Variants in ARHGEF10L observed in about 807,000 individuals in gnomAD.
ARHGEF10L encodes the protein rho guanine nucleotide exchange factor 10-like protein.
A neutral mutation model predicts 141.2 loss-of-function variants in ARHGEF10L; 69 were observed. The ratio of observed to expected loss-of-function variants is 0.49; its 90% CI spans 0.40 to 0.60. ARHGEF10L has a LOEUF of 0.60. ARHGEF10L is among the 20% of genes least tolerant of loss of function. The pLI is 0.00. For missense variants in ARHGEF10L, 1,482 were observed against 1,734.3 expected, an observed-to-expected ratio of 0.85 and a Z score of 2.58; for synonymous variants, 711 against 718.5, an observed-to-expected ratio of 0.99 and a Z score of 0.17.
intron 1 of ARHGEF10L, among the ~76,000 whole-genome samples, chr1:17,546,216 G>A (rs2100661053): frequency 6.6e-6 from 1 of 152,246 alleles, no homozygotes; most frequent in Non-Finnish European, 1.5e-5. Flanking sequence ...TCCAGCCCCT[G>A]CATCTGTGGC....
rs768877805 is a variant in ARHGEF10L, at chr1:17,634,527, CCTT to C, written c.1731-17_1731-15del. The C allele has an allele frequency of 7.4e-6, 12 of 1,614,218 alleles. No homozygotes were observed. The Admixed American group carries it at 8.3e-5, about 11-fold the overall frequency. ...TCCATTGTAATAACAATCTCCCTTT[CCTT>C]CTTGTCTTTTTTCCCAGGCCTGCCA... On this transcript the variant is annotated intron_variant, in intron 16 of 28. Transcript: ENST00000361221.
chr1:17,694,949 G>T (rs41267491), intron 27 of ARHGEF10L: 47,323 of 731,388 alleles, frequency 0.065, 1,904 homozygotes, highest in Middle Eastern at 0.12. Context: ...AACTGAGGCT[G>T]GTTAGGGGAG....
At chr1:17,537,598 C>T (rs1165529107), upstream of ARHGEF10L, among the ~76,000 whole-genome samples, 2 of 152,102 alleles carry the variant, frequency 1.3e-5, no homozygotes. Flanking sequence ...TGTGAAAAGG[C>T]CTCCTGGAGA....
At chr1:17,551,778 C>A (rs77505312) in intron 1 of ARHGEF10L, among the ~76,000 whole-genome samples, 1,558 of 152,280 alleles carry the variant, frequency 0.01, 24 homozygotes, top group African/African-American at 0.036. Flanking sequence ...GGTTAAGCAA[C>A]TTGCCTGAGG....
chr1:17,635,773 G>A (rs990722427), intron 18 of ARHGEF10L, among the ~76,000 whole-genome samples: 6 of 152,310 alleles, frequency 3.9e-5, no homozygotes, highest in Non-Finnish European at 5.9e-5. Flanking sequence ...CCTAGGGTAC[G>A]GTGGGCATTA....
intron 4 of ARHGEF10L, among the ~76,000 whole-genome samples, chr1:17,590,559 G>T (rs867746520): frequency 5.9e-5 from 9 of 152,104 alleles, no homozygotes; most frequent in African/African-American, 4.8e-5. Context: ...TTTTGGAGGG[G>T]GATGTTTTGT....
chr1:17,602,598 T>A (rs2080798246), intron 5 of ARHGEF10L, among the ~76,000 whole-genome samples: 1 of 151,242 alleles, frequency 6.6e-6, no homozygotes, highest in Admixed American at 6.6e-5. Context: ...GGAAAGAGGG[T>A]CCCAGACAGA....
intron 27 of ARHGEF10L, chr1:17,694,946 G>A (rs1192204410): frequency 2.8e-6 from 2 of 725,038 alleles, no homozygotes; most frequent in Non-Finnish European, 4.9e-6. Flanking sequence ...GGAAACTGAG[G>A]CTGGTTAGGG....
intron 1 of ARHGEF10L, among the ~76,000 whole-genome samples, chr1:17,555,899 C>T (rs200368491): frequency 6.6e-6 from 1 of 152,072 alleles, no homozygotes; most frequent in East Asian, 1.9e-4. Flanking sequence ...CTTTGTGGGG[C>T]AGGAAGACTG....
intron 2 of ARHGEF10L, 57 bp from the exon 3 acceptor site, chr1:17,587,403 C>T (rs1435369539): frequency 6.4e-6 from 10 of 1,557,898 alleles, no homozygotes; most frequent in Admixed American, 1.9e-5. Flanking sequence ...CCAGCCATCT[C>T]TCCATTGACC....
the ARHGEF10L span, among the ~76,000 whole-genome samples, chr1:17,520,194 C>A: frequency 6.6e-6 from 1 of 152,214 alleles, no homozygotes; most frequent in Non-Finnish European, 1.5e-5. Context: ...GCTGGCTTGA[C>A]TCAGTCTAGC....
intron 25 of ARHGEF10L, among the ~76,000 whole-genome samples, chr1:17,657,713 AC>A (rs2062360644): frequency 6.6e-6 from 1 of 151,688 alleles, no homozygotes; most frequent in Non-Finnish European, 1.5e-5. Context: ...GAGGGAAAAA[AC>A]CCTTCTCACC....
At chr1:17,633,005 G>A (rs1429446504) in intron 16 of ARHGEF10L, among the ~76,000 whole-genome samples, 1 of 152,220 alleles carries the variant, frequency 6.6e-6, no homozygotes, top group African/African-American at 2.4e-5. Flanking sequence ...GTGGGGTGAG[G>A]GTGAGGCTTT....
chr1:17,640,404 G>T, intron 21 of ARHGEF10L, 102 bp downstream of exon 21: 3 of 992,064 alleles, frequency 3.0e-6, no homozygotes, highest in Non-Finnish European at 4.4e-6. Flanking sequence ...GTCAGCGGGG[G>T]GCAGGGAGGC....
the ARHGEF10L span, among the ~76,000 whole-genome samples, chr1:17,526,636 A>T: frequency 6.6e-6 from 1 of 152,028 alleles, no homozygotes; most frequent in Non-Finnish European, 1.5e-5. Context: ...GGGCACAGTC[A>T]CTCACACCTG....
chr1:17,650,804 C>T lies in ARHGEF10L; in HGVS notation c.2394+2129C>T, dbSNP rs146128730. Among the ~76,000 whole-genome samples, 12 of 151,032 alleles carry T rather than the reference C, an allele frequency of 7.9e-5. 1 individual carries two copies. The East Asian group carries it at 1.7e-3, about 22-fold the overall frequency. ...AGCTCAGCTCAGGGTCCTGCTGAGA[C>T]GTGGCAAGACTTGATGTGGGCGGAG... On this transcript the variant is annotated intron_variant, in intron 22 of 28. Transcript: ENST00000361221.
At chr1:17,565,288 A>G (rs1383048210) in intron 1 of ARHGEF10L, among the ~76,000 whole-genome samples, 2 of 152,192 alleles carry the variant, frequency 1.3e-5, no homozygotes, top group Admixed American at 6.5e-5. Context: ...AGGTTTCCGC[A>G]TAGGAATTTT....
Position 17,697,535 on chromosome 1 carries a change from AT to A in ARHGEF10L, c.*162del, listed in dbSNP as rs950600137. ...AAGGAAAACCTCTTGTTTTAAAAAA[AT>A]TTTTTTCAGAGTGTTTTGGGGAGGA... On this transcript the variant is annotated 3_prime_UTR_variant, in exon 29 of 29. Coordinates refer to ENST00000361221, the MANE Select transcript of ARHGEF10L (RefSeq NM_018125.4). The surrounding 1 kb of genome is among the most constrained non-coding windows in gnomAD (Gnocchi z 4.8). The A allele has an allele frequency of 5.4e-4, 596 of 1,109,338 alleles. No homozygotes were observed. The highest frequency in any genetic ancestry group is 1.1e-3 in the South Asian group (68 of 62,548). 68.7% of individuals were successfully genotyped at this position (1,109,338 alleles called of 1,614,324 possible). A position where few individuals can be genotyped will look rare whatever the true frequency, so the allele number is the denominator to read the frequency against.
At chr1:17,620,494 G>A (rs2060049344) in intron 10 of ARHGEF10L, among the ~76,000 whole-genome samples, 1 of 152,208 alleles carries the variant, frequency 6.6e-6, no homozygotes, top group Non-Finnish European at 1.5e-5. Flanking sequence ...TCTGCTCTGG[G>A]TGCCACTTGA....
Sources: gnomAD v4.1 joint callset for allele counts (sites outside exome capture counted in the v4.1 genomes callset) on GRCh38, gnomAD v4.1.1 for gene constraint, Gnocchi (gnomAD v3.1) non-coding constraint, MANE v1.5 for transcripts, NCBI Gene and HGNC (gene_info 2026-07-23, HGNC 2026-07-21) for gene names.